Variants in TMPRSS15 observed in about 807,000 individuals in gnomAD.
TMPRSS15 encodes transmembrane serine protease 15, also known as enteropeptidase.
In TMPRSS15, 128 loss-of-function variants were observed where a neutral mutation model predicts 125.3. The observed-to-expected ratio is 1.02, with a 90% CI of 0.89 to 1.18. The LOEUF is 1.18. Ranked by LOEUF, TMPRSS15 falls within the 50% of genes most tolerant of loss-of-function variation. TMPRSS15 has a pLI of 0.00. For missense variants in TMPRSS15, 1,283 were observed against 1,212.7 expected, an observed-to-expected ratio of 1.06 and a Z score of -0.86; for synonymous variants, 446 against 423.2, an observed-to-expected ratio of 1.05 and a Z score of -0.66.
intron 1 of TMPRSS15, among the ~76,000 whole-genome samples, chr21:18,432,666 C>T (rs1210214337): frequency 6.6e-6 from 1 of 152,248 alleles, no homozygotes; most frequent in East Asian, 1.9e-4. Context: ...TCGGGAGAGT[C>T]AAGGTAGCAT....
intron 16 of TMPRSS15, among the ~76,000 whole-genome samples, chr21:18,319,776 C>T (rs927961161): frequency 6.6e-6 from 1 of 152,158 alleles, no homozygotes; most frequent in African/African-American, 2.4e-5. Flanking sequence ...GCTAGTTGTG[C>T]TGTTTCTCCC....
intron 1 of TMPRSS15, among the ~76,000 whole-genome samples, chr21:18,400,752 T>G (rs2076087290): frequency 6.6e-6 from 1 of 152,126 alleles, no homozygotes; most frequent in Non-Finnish European, 1.5e-5. Context: ...ACTAAAGATC[T>G]TCTGCACTGC....
chr21:18,396,122 T>G lies in TMPRSS15; in HGVS notation c.344+1757A>C, dbSNP rs533686884. Among the ~76,000 whole-genome samples, 3 of 152,336 alleles carry G rather than the reference T, an allele frequency of 2.0e-5. No homozygotes were observed. In the South Asian group the frequency reaches 6.2e-4, roughly 32 times the overall value. Reference sequence around the variant, plus strand: ...CTTACTTAGATGTTTTTCTCCATGCTCATCTTGGCTTTCATTGTTCTCCTT... The same window carrying G: ...CTTACTTAGATGTTTTTCTCCATGCGCATCTTGGCTTTCATTGTTCTCCTT... On this transcript the variant is annotated intron_variant, in intron 3 of 24. Transcript: ENST00000284885.
intron 18 of TMPRSS15, among the ~76,000 whole-genome samples, chr21:18,304,147 G>T (rs1334729601): frequency 1.3e-5 from 2 of 152,108 alleles, no homozygotes; most frequent in Non-Finnish European, 2.9e-5. Context: ...GGGGTCTGGG[G>T]TGGTTCTAAC....
chr21:18,294,376 C>G lies in TMPRSS15; in HGVS notation c.2380G>C (p.Gly794Arg), dbSNP rs1568988616. The G allele has an allele frequency of 1.9e-6, 3 of 1,614,262 alleles. No individual in the cohort carries two copies. Among genetic ancestry groups the G allele is most frequent in the Non-Finnish European group, 2.5e-6 (3 of 1,180,044 alleles). The change falls in exon 21 of 25, where the codon GGG becomes CGG. Residue 794 changes from glycine to arginine, a missense_variant. Physicochemically the swap from Gly to Arg is moderately radical, Grantham distance 125. Transcript: ENST00000284885. ...KIVGGSNAKE[G>R]AWPWVVGLYY... ...AGACCCACAACCCAGGGCCAGGCCC[C>G]TTCTTTGGCATTACTTCCTCCAACA...
chr21:18,395,385 A>G (rs2076025535), intron 3 of TMPRSS15, among the ~76,000 whole-genome samples: 1 of 152,236 alleles, frequency 6.6e-6, no homozygotes, highest in Admixed American at 6.5e-5. Flanking sequence ...TGAACCACAC[A>G]TTAATAATTC....
chr21:18,449,161 T>C (rs1181836955), intron 1 of TMPRSS15, among the ~76,000 whole-genome samples: 2 of 152,218 alleles, frequency 1.3e-5, no homozygotes, highest in Non-Finnish European at 2.9e-5. Flanking sequence ...ATTTCTCAAA[T>C]GAATTGTGAT....
intron 3 of TMPRSS15, among the ~76,000 whole-genome samples, chr21:18,394,541 CTCTCTCTCTCTGTCTCTCTCTCTT>C (rs2076017124): frequency 6.6e-6 from 1 of 151,894 alleles, no homozygotes; most frequent in Admixed American, 6.6e-5. Flanking sequence ...CTGTCTCTCT[CTCTCTCTCTCTGTCTCTCTCTCTT>C]TCTCTCACAT....
chr21:18,321,645 C>A (rs1315103689), intron 16 of TMPRSS15, among the ~76,000 whole-genome samples: 1 of 152,112 alleles, frequency 6.6e-6, no homozygotes, highest in Non-Finnish European at 1.5e-5. Context: ...GCCACGTGCC[C>A]GGCCGCAAAA....
intron 1 of TMPRSS15, among the ~76,000 whole-genome samples, chr21:18,420,332 CTTTTT>C (rs748409709): frequency 3.8e-4 from 58 of 152,278 alleles, no homozygotes; most frequent in Non-Finnish European, 6.9e-4. Context: ...AAATCTCCTT[CTTTTT>C]ATTACTTCCT....
Position 18,372,259 on chromosome 21 carries a change from C to T in TMPRSS15, c.598G>A (p.Ala200Thr). 1.2e-6 allele frequency: 2 copies of T among 1,613,242 alleles called. No individual in the cohort carries two copies. Among genetic ancestry groups the T allele is most frequent in the South Asian group, 2.2e-5 (2 of 91,066 alleles). ...PCTDALTCIKADLFCDGEVNC... is the reference protein window; with the variant it reads ...PCTDALTCIKTDLFCDGEVNC... Reference sequence around the variant, plus strand: ...ACTTCTCCATCACAAAATAAATCAGCTTTTATACACGTTAGAGCATCAGTA... The same window carrying T: ...ACTTCTCCATCACAAAATAAATCAGTTTTTATACACGTTAGAGCATCAGTA... The change falls in exon 6 of 25, where the codon GCT becomes ACT. Residue 200 changes from alanine (A) to threonine (T), a missense_variant. Ala to Thr is a moderately conservative substitution (Grantham distance 58). Coordinates refer to ENST00000284885, the MANE Select transcript of TMPRSS15 (RefSeq NM_002772.3).
intron 13 of TMPRSS15, among the ~76,000 whole-genome samples, chr21:18,340,976 T>G (rs964549162): frequency 6.6e-6 from 1 of 152,224 alleles, no homozygotes; most frequent in African/African-American, 2.4e-5. Context: ...TATTTTGAAG[T>G]CTTTGATTTT....
At chr21:18,481,754 T>C (rs748504059) in intron 1 of TMPRSS15, among the ~76,000 whole-genome samples, 20 of 151,672 alleles carry the variant, frequency 1.3e-4, no homozygotes, top group Non-Finnish European at 1.9e-4. Context: ...AAATGATCTC[T>C]CCTAATCTTT....
intron 21 of TMPRSS15, 57 bp downstream of exon 21, chr21:18,294,213 T>C (rs4395327): frequency 0.73 from 1,173,709 of 1,602,128 alleles, 430,763 homozygotes; most frequent in African/African-American, 0.79. Context: ...ATGGGACGCT[T>C]GGCAGTGTCT....
At chr21:18,473,785 G>C (rs962233944) in intron 1 of TMPRSS15, among the ~76,000 whole-genome samples, 1 of 151,982 alleles carries the variant, frequency 6.6e-6, no homozygotes, top group Non-Finnish European at 1.5e-5. Flanking sequence ...CCTGCATATT[G>C]TAATTCATTA....
Position 18,284,493 on chromosome 21 carries a change from G to T in TMPRSS15, c.2487-3272C>A, listed in dbSNP as rs368511365. Among the ~76,000 whole-genome samples, 37 of 152,254 alleles carry T rather than the reference G, an allele frequency of 2.4e-4. No homozygotes were observed. In the East Asian group the frequency reaches 2.9e-3, roughly 12 times the overall value. ...ACTGAGCAATGCAGAAAACTTCCTA[G>T]CTTTTTTATATACCCAAATCTGAGG... is the stretch of plus-strand genomic sequence containing the variant. On this transcript the variant is annotated intron_variant, in intron 21 of 24. Transcript: ENST00000284885.
chr21:18,476,285 A>G (rs574239972), intron 1 of TMPRSS15, among the ~76,000 whole-genome samples: 408 of 152,232 alleles, frequency 2.7e-3, no homozygotes, highest in Middle Eastern at 0.01. Context: ...GAAAAGATAC[A>G]TTTACTCCAA....
intron 1 of TMPRSS15, among the ~76,000 whole-genome samples, chr21:18,410,808 C>T (rs2076164168): frequency 6.6e-6 from 1 of 152,026 alleles, no homozygotes; most frequent in South Asian, 2.1e-4. Flanking sequence ...ATTCAAAAGT[C>T]CATGTAACTT....
chr21:18,270,796 G>A (rs527788725), intron 24 of TMPRSS15, among the ~76,000 whole-genome samples: 2 of 152,148 alleles, frequency 1.3e-5, no homozygotes, highest in South Asian at 4.1e-4. Context: ...TTATTTGCAC[G>A]TGATTCCTGT....
Sources: allele counts gnomAD v4.1 joint callset (sites outside exome capture counted in the v4.1 genomes callset), GRCh38; gene constraint gnomAD v4.1.1; transcripts MANE v1.5; gene names NCBI Gene and HGNC (gene_info 2026-07-23, HGNC 2026-07-21).